Variants in AGBL4 observed in about 807,000 individuals in gnomAD.
AGBL4 encodes the protein cytosolic carboxypeptidase 6.
In AGBL4, 58 loss-of-function variants were observed where a neutral mutation model predicts 66.4. The observed-to-expected ratio is 0.87, with a 90% CI of 0.71 to 1.09. The LOEUF (loss-of-function observed/expected upper bound fraction) is 1.09, where lower values mean the gene tolerates loss of function less well. Ranked by LOEUF, AGBL4 falls within the 50% of genes least tolerant of loss-of-function variation. The pLI is 0.00. For missense variants in AGBL4, 579 were observed against 631.0 expected (o/e 0.92, Z 0.88); for synonymous variants, 234 against 222.9 (o/e 1.05, Z -0.44).
At chr1:49,505,573 G>C (rs1029293799) in intron 3 of AGBL4, among the ~76,000 whole-genome samples, 1 of 151,918 alleles carries the variant, frequency 6.6e-6, no homozygotes, top group Non-Finnish European at 1.5e-5. Context: ...GGTATGTAGA[G>C]TTTCTGCCTC....
At chr1:49,564,575 A>T (rs2148860216) in intron 3 of AGBL4, among the ~76,000 whole-genome samples, 1 of 152,330 alleles carries the variant, frequency 6.6e-6, no homozygotes, top group South Asian at 2.1e-4. Context: ...CCCAGTAGTC[A>T]TTCAGGAGCA....
chr1:49,181,850 G>C (rs1258703417), intron 4 of AGBL4, among the ~76,000 whole-genome samples: 2 of 152,196 alleles, frequency 1.3e-5, no homozygotes, highest in African/African-American at 4.8e-5. Flanking sequence ...TCTCCTTAAA[G>C]GGATTTCTAA....
chr1:49,151,277 A>AT (rs1274615363), intron 4 of AGBL4, among the ~76,000 whole-genome samples: 3 of 147,474 alleles, frequency 2.0e-5, no homozygotes, highest in African/African-American at 7.5e-5. Flanking sequence ...TCAAAAAAAA[A>AT]AAAAATATAT....
rs369478721 is a variant in AGBL4, at chr1:49,505,979, T to C, written c.282+191334A>G. Among the ~76,000 whole-genome samples, 206 of 152,140 alleles carry C rather than the reference T, an allele frequency of 1.4e-3. 1 individual carries two copies. Among genetic ancestry groups the C allele is most frequent in the African/African-American group, 4.6e-3 (193 of 41,550 alleles). On this transcript the variant is annotated intron_variant, in intron 3 of 13. Coordinates refer to ENST00000371839, the MANE Select transcript of AGBL4 (RefSeq NM_032785.4). ...GTTTACAGATTCTTCTAATTGATCA[T>C]TTCTGGTGTTGATACTCTCTATTGC... is the stretch of plus-strand genomic sequence containing the variant.
At chr1:49,703,573 T>A (rs1372453271) in intron 2 of AGBL4, among the ~76,000 whole-genome samples, 1 of 151,144 alleles carries the variant, frequency 6.6e-6, no homozygotes, top group Admixed American at 6.6e-5. Flanking sequence ...GGAAACTTCC[T>A]GATACTGACA....
At chr1:49,101,705 T>A (rs149322218) in intron 4 of AGBL4, among the ~76,000 whole-genome samples, 39 of 152,226 alleles carry the variant, frequency 2.6e-4, no homozygotes, top group African/African-American at 2.6e-4. Context: ...GTGTTTGAGG[T>A]GTGATATTTT....
rs35323150 is a variant in AGBL4, at chr1:49,328,012, T to C, written c.283-82148A>G. Among the ~76,000 whole-genome samples, 1,078 of 152,220 alleles carry C rather than the reference T, an allele frequency of 7.1e-3. 6 individuals are homozygous for C. Among genetic ancestry groups the C allele is most frequent in the Non-Finnish European group, 0.01 (691 of 68,004 alleles). On this transcript the variant is annotated intron_variant, in intron 3 of 13. Transcript: ENST00000371839. The stretch of plus-strand genomic sequence containing the variant: ...TTTGAAAAAGGAGACAAATATTCCC[T>C]AGCAATAAGCTCAAATGTCTCTCAG...
chr1:48,650,336 T>C (rs984358058), intron 8 of AGBL4, among the ~76,000 whole-genome samples: 6 of 152,206 alleles, frequency 3.9e-5, no homozygotes, highest in African/African-American at 1.2e-4. Context: ...CTAAAGAGCA[T>C]GAGAGAGAGG....
At chr1:49,250,205 G>A (rs1360649033) in intron 3 of AGBL4, among the ~76,000 whole-genome samples, 1 of 152,066 alleles carries the variant, frequency 6.6e-6, no homozygotes, top group African/African-American at 2.4e-5. Flanking sequence ...TTTCAAAATA[G>A]GTAGAACAGA....
At chr1:49,648,529 G>A (rs1645937188) in intron 3 of AGBL4, among the ~76,000 whole-genome samples, 1 of 151,880 alleles carries the variant, frequency 6.6e-6, no homozygotes, top group Non-Finnish European at 1.5e-5. Context: ...AGAACACCAA[G>A]CAGGATAAAT....
chr1:48,610,443 G>A (rs575393440), intron 9 of AGBL4, among the ~76,000 whole-genome samples: 1 of 152,322 alleles, frequency 6.6e-6, no homozygotes, highest in Admixed American at 6.5e-5. Flanking sequence ...CATTGAGGAA[G>A]TAGGGCAGTG....
intron 4 of AGBL4, among the ~76,000 whole-genome samples, chr1:49,201,461 A>G (rs1179835176): frequency 1.3e-5 from 2 of 152,186 alleles, no homozygotes; most frequent in African/African-American, 2.4e-5. Context: ...AACTTTCACA[A>G]TATTTTACAA....
chr1:49,299,075 A>G (rs775600231), intron 3 of AGBL4, among the ~76,000 whole-genome samples: 3 of 152,196 alleles, frequency 2.0e-5, no homozygotes, highest in Non-Finnish European at 4.4e-5. Flanking sequence ...AGTGCTTTAC[A>G]TACATTTTCT....
intron 1 of AGBL4, among the ~76,000 whole-genome samples, chr1:49,860,043 T>A (rs2148081098): frequency 6.6e-6 from 1 of 152,288 alleles, no homozygotes; most frequent in South Asian, 2.1e-4. Flanking sequence ...CTCTTAAAAC[T>A]AGAACCACTG....
chr1:49,794,063 G>A (rs1442951402), intron 2 of AGBL4, among the ~76,000 whole-genome samples: 2 of 151,922 alleles, frequency 1.3e-5, no homozygotes, highest in South Asian at 2.1e-4. Context: ...GGAAAGTAGT[G>A]AGTAAAAGTG....
chr1:49,982,860 T>C (rs941080569), intron 1 of AGBL4, among the ~76,000 whole-genome samples: 4 of 151,946 alleles, frequency 2.6e-5, no homozygotes, highest in Non-Finnish European at 5.9e-5. Context: ...CACTCCAGGG[T>C]CTCCTCTCTT....
intron 2 of AGBL4, among the ~76,000 whole-genome samples, chr1:49,714,630 A>G (rs1647951356): frequency 6.6e-6 from 1 of 151,062 alleles, no homozygotes; most frequent in Admixed American, 6.6e-5. Flanking sequence ...ATACATATAC[A>G]CACACAAATA....
At position 48,663,165 on chromosome 1, in the gene AGBL4, T is replaced by C; in HGVS notation, c.711A>G (p.Ser237=). 1.2e-6 allele frequency: 2 copies of C among 1,613,924 alleles called. No individual in the cohort carries two copies. The highest frequency in any genetic ancestry group is 1.7e-6 in the Non-Finnish European group (2 of 1,179,862). ...CCTGCCACTCACCTTGGCACACAAATGATGAGGGTGTTTCCCCTGGGTGGA... is the reference window on the plus strand; with the variant it reads ...CCTGCCACTCACCTTGGCACACAAACGATGAGGGTGTTTCCCCTGGGTGGA... ...GRVHPGETPS[S]FVCQGIIDFL... Residue 237 remains serine (S), a synonymous_variant, in exon 7 of 14, where the codon TCA becomes TCG. Coordinates refer to ENST00000371839, the MANE Select transcript of AGBL4 (RefSeq NM_032785.4).
intron 3 of AGBL4, among the ~76,000 whole-genome samples, chr1:49,402,847 A>G (rs1368665138): frequency 6.6e-6 from 1 of 152,172 alleles, no homozygotes; most frequent in African/African-American, 2.4e-5. Context: ...GATCACAGGC[A>G]TGAGCCACTG....
Sources: allele counts gnomAD v4.1 joint callset (sites outside exome capture counted in the v4.1 genomes callset), GRCh38; gene constraint gnomAD v4.1.1; transcripts MANE v1.5; gene names NCBI Gene and HGNC (gene_info 2026-07-23, HGNC 2026-07-21).